Variants in GNRHR observed in about 807,000 individuals in gnomAD.
GNRHR encodes the protein gonadotropin releasing hormone receptor.
A neutral mutation model predicts 28.1 loss-of-function variants in GNRHR; 14 were observed. The observed-to-expected ratio is 0.50, with a 90% confidence interval of 0.33 to 0.78. GNRHR has a LOEUF of 0.78. Ranked by LOEUF, GNRHR falls within the 30% of genes least tolerant of loss-of-function variation. GNRHR has a pLI of 0.02. For synonymous variants in GNRHR, 141 were observed against 140.5 expected (o/e 1.00, Z -0.02); for missense variants, 366 against 382.1 (o/e 0.96, Z 0.35).
intron 1 of GNRHR, chr4:67,751,802 A>C (rs1731873643): frequency 6.6e-6 from 1 of 152,178 alleles, no homozygotes; most frequent in Non-Finnish European, 1.5e-5. Context: ...CAAATTACCA[A>C]CTACTTTACA....
chr4:67,750,169 A>C (rs994300013), intron 1 of GNRHR, among the ~76,000 whole-genome samples: 1 of 152,168 alleles, frequency 6.6e-6, no homozygotes, highest in Admixed American at 6.6e-5. Context: ...AGGCAGTATT[A>C]CTGAGATTTG....
At chr4:67,742,256 ATTC>A (rs1731674663) in intron 2 of GNRHR, among the ~76,000 whole-genome samples, 1 of 152,168 alleles carries the variant, frequency 6.6e-6, no homozygotes, top group South Asian at 2.1e-4. Context: ...ATCCAGTTTC[ATTC>A]TTCTACACAT....
intron 1 of GNRHR, among the ~76,000 whole-genome samples, chr4:67,748,137 T>A (rs763338681): frequency 6.6e-5 from 10 of 152,180 alleles, no homozygotes; most frequent in Non-Finnish European, 1.3e-4. Flanking sequence ...ATTCTGTTTT[T>A]GTTTTTCACA....
intron 2 of GNRHR, among the ~76,000 whole-genome samples, chr4:67,744,184 A>T (rs929531444): frequency 6.6e-6 from 1 of 152,228 alleles, no homozygotes; most frequent in African/African-American, 2.4e-5. Flanking sequence ...TATAAAATGA[A>T]ACAGCTTACT....
intron 1 of GNRHR, among the ~76,000 whole-genome samples, chr4:67,752,506 A>AC (rs1731888742): frequency 6.6e-6 from 1 of 152,110 alleles, no homozygotes; most frequent in South Asian, 2.1e-4. Context: ...GGTAACTTGG[A>AC]CCATAGGTGC....
intron 1 of GNRHR, among the ~76,000 whole-genome samples, chr4:67,751,351 A>G (rs1172502829): frequency 6.6e-6 from 1 of 152,184 alleles, no homozygotes; most frequent in Non-Finnish European, 1.5e-5. Context: ...TATTTACCTT[A>G]TAGAGTTAAC....
At chr4:67,748,725 T>A (rs55844424) in intron 1 of GNRHR, among the ~76,000 whole-genome samples, 31,409 of 144,636 alleles carry the variant, frequency 0.22, 3,601 homozygotes, top group Middle Eastern at 0.29. Context: ...ATAATAATAA[T>A]AAAATAAATA....
At chr4:67,742,530 T>G (rs189202755) in intron 2 of GNRHR, among the ~76,000 whole-genome samples, 4 of 152,346 alleles carry the variant, frequency 2.6e-5, no homozygotes, top group Admixed American at 6.5e-5. Flanking sequence ...AGGTTACACT[T>G]GTGAAGAAAT....
intron 1 of GNRHR, among the ~76,000 whole-genome samples, chr4:67,748,285 T>C (rs1365250123): frequency 6.6e-6 from 1 of 152,060 alleles, no homozygotes; most frequent in Non-Finnish European, 1.5e-5. Flanking sequence ...TCTACATACA[T>C]GGAGAAAATA....
chr4:67,746,988 T>C (rs1391651885), intron 1 of GNRHR, among the ~76,000 whole-genome samples: 1 of 152,164 alleles, frequency 6.6e-6, no homozygotes, highest in African/African-American at 2.4e-5. Context: ...TTTCCCACAT[T>C]ACAAAGTGAG....
chr4:67,752,638 T>C (rs1044958251), intron 1 of GNRHR, among the ~76,000 whole-genome samples: 14 of 151,338 alleles, frequency 9.3e-5, no homozygotes, highest in Admixed American at 6.6e-4. Context: ...AAATAAATCA[T>C]ATATTTTTCT....
In GNRHR at chr4:67,753,889, C is replaced by T; in HGVS notation, c.447G>A (p.Leu149=). 1 of 1,613,978 alleles carries T rather than the reference C, an allele frequency of 6.2e-7. No individual in the cohort carries two copies. The highest frequency in any genetic ancestry group is 8.5e-7 in the Non-Finnish European group (1 of 1,179,948). The change falls in exon 1 of 3, where the codon TTG becomes TTA. Residue 149 remains leucine (L), a synonymous_variant. Transcript: ENST00000226413. The stretch of plus-strand genomic sequence containing the variant: ...ACTGTCCGACTTTGCTGTTGCTTTT[C>T]AAAGCTAGGGGCCTCGTGATAGCCA... ...RSLAITRPLA[L]KSNSKVGQSM...
At chr4:67,742,026 C>A (rs1281548103) in intron 2 of GNRHR, among the ~76,000 whole-genome samples, 2 of 152,162 alleles carry the variant, frequency 1.3e-5, no homozygotes, top group Non-Finnish European at 2.9e-5. Flanking sequence ...CTGATTATTT[C>A]TTTTGCTGTG....
At chr4:67,748,637 C>T (rs143451155) in intron 1 of GNRHR, among the ~76,000 whole-genome samples, 61 of 151,782 alleles carry the variant, frequency 4.0e-4, no homozygotes, top group African/African-American at 1.4e-3. Context: ...TGGCTGCACC[C>T]ATTAACTCGC....
intron 1 of GNRHR, among the ~76,000 whole-genome samples, chr4:67,749,501 C>A (rs987368090): frequency 2.0e-5 from 3 of 152,088 alleles, no homozygotes; most frequent in Non-Finnish European, 4.4e-5. Context: ...TAGATACGGG[C>A]ACATCTAATT....
In GNRHR at chr4:67,740,670, A is replaced by G; in HGVS notation, c.797T>C (p.Leu266Pro). Residue 266 changes from leucine (L) to proline (P), a missense_variant, in exon 3 of 3, where the codon CTA (leucine) becomes CCA (proline). Physicochemically the swap from Leu to Pro is moderately conservative, Grantham distance 98. Coordinates refer to ENST00000226413, the MANE Select transcript of GNRHR (RefSeq NM_000406.3). ...AGTGGCAAATGCAACCGTCATTTTT[A>G]GAGTCTTCAGCCGTGCTCTTGGTAT... is the stretch of plus-strand genomic sequence containing the variant. ...NNIPRARLKT[L>P]KMTVAFATSF... 2 of 1,604,590 alleles carry G rather than the reference A, an allele frequency of 1.2e-6. No individual in the cohort carries two copies. Among genetic ancestry groups the G allele is most frequent in the Non-Finnish European group, 1.7e-6 (2 of 1,171,248 alleles).
At position 67,737,146 on chromosome 4, in the gene GNRHR, C is replaced by A. The variant is rs894747528; in HGVS notation, c.*3334G>T. ...ACACATATAACATTTATTATGTTTT[C>A]TCTTAATACACATGCAATATGAGTT... On this transcript the variant is annotated 3_prime_UTR_variant, in exon 3 of 3. Transcript: ENST00000226413. 2.0e-5 allele frequency among the ~76,000 whole-genome samples: 3 copies of A among 151,974 alleles called. No individual in the cohort carries two copies. Among genetic ancestry groups the A allele is most frequent in the Admixed American group, 1.3e-4 (2 of 15,234 alleles).
rs1364643692 is a variant in GNRHR, at chr4:67,754,248, T to C, written c.88A>G (p.Thr30Ala). The C allele has an allele frequency of 6.2e-7, 1 of 1,613,700 alleles. No individual in the cohort carries two copies. The highest frequency in any genetic ancestry group is 1.7e-5 in the Admixed American group (1 of 60,000). The change falls in exon 1 of 3, where the codon ACT becomes GCT. Residue 30 changes from threonine to alanine, a missense_variant. Thr to Ala is a moderately conservative substitution (Grantham distance 58, BLOSUM62 0). Transcript: ENST00000226413. ...CGGATCTTTCCAGACAAGGTCAGAG[T>C]GGGGAGGTTGCCCTGCATCAGTGGG... The part of the protein sequence containing the change: ...SIPLMQGNLP[T>A]LTLSGKIRVT...
At chr4:67,747,432 A>G (rs912315361) in intron 1 of GNRHR, 5 of 152,340 alleles carry the variant, frequency 3.3e-5, no homozygotes, top group African/African-American at 1.2e-4. Flanking sequence ...AAAACATTTG[A>G]AAAGCAGTGT....
Sources: allele counts gnomAD v4.1 joint callset (sites outside exome capture counted in the v4.1 genomes callset), GRCh38; gene constraint gnomAD v4.1.1; transcripts MANE v1.5; gene names NCBI Gene and HGNC (gene_info 2026-07-23, HGNC 2026-07-21).